Variants in SLCO5A1 observed in about 807,000 individuals in gnomAD.
SLCO5A1 encodes the protein solute carrier organic anion transporter family member 5A1.
SLCO5A1 carries 39 observed loss-of-function variants against 65.1 expected under a neutral mutation model. The ratio of observed to expected loss-of-function variants is 0.60; its 90% CI spans 0.46 to 0.78. SLCO5A1 has a LOEUF of 0.78. Among genes scored for constraint, SLCO5A1 ranks in the 30% least tolerant of loss-of-function variants. The pLI, the probability that SLCO5A1 is intolerant of heterozygous loss-of-function variation, is 0.00. For missense variants in SLCO5A1, 1,029 were observed against 1,069.4 expected (o/e 0.96, Z 0.53); for synonymous variants, 438 against 415.7 (o/e 1.05, Z -0.65).
chr8:69,714,606 T>G (rs979227879), intron 5 of SLCO5A1, among the ~76,000 whole-genome samples: 1 of 152,184 alleles, frequency 6.6e-6, no homozygotes, highest in African/African-American at 2.4e-5. Flanking sequence ...CCCGTGACAA[T>G]CATAGTGTGG....
intron 2 of SLCO5A1, among the ~76,000 whole-genome samples, chr8:69,828,607 AAAAAGAAAAG>A (rs544333410): frequency 6.6e-6 from 1 of 151,834 alleles, no homozygotes; most frequent in Non-Finnish European, 1.5e-5. Context: ...TCTCAAAAAA[AAAAAGAAAAG>A]AAAAGAAAAG....
At chr8:69,725,436 G>T (rs972898170) in intron 5 of SLCO5A1, among the ~76,000 whole-genome samples, 1 of 150,848 alleles carries the variant, frequency 6.6e-6, no homozygotes, top group African/African-American at 2.4e-5. Context: ...TCCATCTCAT[G>T]TACCAAGGGA....
chr8:69,819,110 C>T (rs1444547919), intron 2 of SLCO5A1, among the ~76,000 whole-genome samples: 2 of 152,126 alleles, frequency 1.3e-5, no homozygotes, highest in African/African-American at 2.4e-5. Context: ...TCTTAGGAGG[C>T]AATGTGTATT....
At chr8:69,742,956 A>G (rs962178516) in intron 4 of SLCO5A1, among the ~76,000 whole-genome samples, 1 of 151,988 alleles carries the variant, frequency 6.6e-6, no homozygotes, top group Non-Finnish European at 1.5e-5. Context: ...ACTTGCCACC[A>G]TGCCTGGCTA....
intron 9 of SLCO5A1, among the ~76,000 whole-genome samples, chr8:69,676,205 C>T (rs1813538859): frequency 6.6e-6 from 1 of 152,136 alleles, no homozygotes; most frequent in Non-Finnish European, 1.5e-5. Context: ...AATAAAATTA[C>T]TGTAAAGAAG....
intron 2 of SLCO5A1, among the ~76,000 whole-genome samples, chr8:69,811,895 T>A (rs776297030): frequency 6.6e-6 from 1 of 152,074 alleles, no homozygotes; most frequent in Non-Finnish European, 1.5e-5. Flanking sequence ...CAGGACAAAG[T>A]GGGAATTCAA....
rs1479797499 is a variant in SLCO5A1 at position 69,673,058 on chromosome 8, G to A, written c.2358C>T (p.His786=). The A allele has an allele frequency of 6.2e-7, 1 of 1,614,186 alleles. No homozygotes were observed. Among genetic ancestry groups the A allele is most frequent in the South Asian group, 1.1e-5 (1 of 91,082 alleles). The stretch of plus-strand genomic sequence containing the variant: ...AAGATCTAGTCCGGGCATTGTCGGG[G>A]TGTCCCACTCTCTCACTCACGGTGC... ...PLSTVSERVG[H]PDNARTRSCP... is the part of the protein sequence containing the mutation. Residue 786 remains histidine (H), a synonymous_variant, in exon 10 of 10, where the codon CAC becomes CAT. Coordinates refer to ENST00000260126, the MANE Select transcript of SLCO5A1 (RefSeq NM_030958.3).
chr8:69,793,487 G>A (rs1357169733), intron 2 of SLCO5A1, among the ~76,000 whole-genome samples: 3 of 151,920 alleles, frequency 2.0e-5, no homozygotes, highest in African/African-American at 7.3e-5. Flanking sequence ...TAATAGAGCT[G>A]ACATGGTGGC....
In SLCO5A1 at chr8:69,673,172, A is replaced by G. The variant is rs1813403662; in HGVS notation, c.2244T>C (p.Val748=). 1.2e-6 allele frequency: 2 copies of G among 1,614,160 alleles called. No individual in the cohort carries two copies. Among genetic ancestry groups the G allele is most frequent in the Non-Finnish European group, 1.7e-6 (2 of 1,180,026 alleles). ...YFGLAAGLKF[V]GFIFIFLAWY... is the part of the protein sequence containing the mutation. Reference sequence around the variant, plus strand: ...AGGCCAGAAAAATAAAAATAAACCCAACGAATTTGAGGCCGGCAGCCAAAC... The same window carrying G: ...AGGCCAGAAAAATAAAAATAAACCCGACGAATTTGAGGCCGGCAGCCAAAC... The change falls in exon 10 of 10, where the codon GTT becomes GTC. Residue 748 remains valine (V), a synonymous_variant. Transcript: ENST00000260126.
At chr8:69,754,456 A>G (rs932524715) in intron 4 of SLCO5A1, among the ~76,000 whole-genome samples, 8 of 152,244 alleles carry the variant, frequency 5.3e-5, no homozygotes. Flanking sequence ...CTCTTTGGCC[A>G]CACTGTGTAC....
chr8:69,735,995 G>T (rs540759187), intron 5 of SLCO5A1, among the ~76,000 whole-genome samples: 1 of 152,120 alleles, frequency 6.6e-6, no homozygotes, highest in East Asian at 1.9e-4. Context: ...ATGTGACCTG[G>T]AAATAAAAAG....
At chr8:69,759,292 T>G (rs1817658137) in intron 3 of SLCO5A1, among the ~76,000 whole-genome samples, 1 of 152,198 alleles carries the variant, frequency 6.6e-6, no homozygotes, top group Non-Finnish European at 1.5e-5. Context: ...AAATTCATGT[T>G]TAAATAGACC....
At chr8:69,716,935 A>G (rs931822518) in intron 5 of SLCO5A1, among the ~76,000 whole-genome samples, 5 of 151,074 alleles carry the variant, frequency 3.3e-5, no homozygotes, top group African/African-American at 1.2e-4. Context: ...ACACGCCACC[A>G]CCCCCAGCTA....
At chr8:69,762,974 T>C (rs1189437180) in intron 2 of SLCO5A1, among the ~76,000 whole-genome samples, 1 of 152,112 alleles carries the variant, frequency 6.6e-6, no homozygotes, top group African/African-American at 2.4e-5. Flanking sequence ...ACTGCCAGTG[T>C]ATCAAAAAGG....
chr8:69,825,934 A>G (rs1332066893), intron 2 of SLCO5A1, among the ~76,000 whole-genome samples: 10 of 152,366 alleles, frequency 6.6e-5, no homozygotes, highest in Admixed American at 3.9e-4. Context: ...AAACAGAGAT[A>G]TAGATCAATG....
intron 5 of SLCO5A1, among the ~76,000 whole-genome samples, chr8:69,715,252 T>C (rs1815458221): frequency 6.6e-6 from 1 of 152,188 alleles, no homozygotes; most frequent in Non-Finnish European, 1.5e-5. Context: ...TAGGGAGCCT[T>C]TGCAGAGGAA....
intron 4 of SLCO5A1, among the ~76,000 whole-genome samples, chr8:69,754,654 T>G (rs575926365): frequency 2.0e-5 from 3 of 152,364 alleles, no homozygotes; most frequent in Admixed American, 2.0e-4. Context: ...AGGGACTTAT[T>G]GTCATTCAAC....
intron 5 of SLCO5A1, among the ~76,000 whole-genome samples, chr8:69,737,463 C>T (rs1006810979): frequency 3.3e-5 from 5 of 152,228 alleles, no homozygotes; most frequent in Admixed American, 2.0e-4. Context: ...TTCCACATTT[C>T]TAAGCATCCA....
intron 4 of SLCO5A1, among the ~76,000 whole-genome samples, chr8:69,752,484 A>C (rs994783460): frequency 3.3e-5 from 5 of 152,130 alleles, no homozygotes; most frequent in Non-Finnish European, 5.9e-5. Context: ...TGGAGATTTA[A>C]TTTGTCCTTT....
Sources: allele counts gnomAD v4.1 joint callset (sites outside exome capture counted in the v4.1 genomes callset), GRCh38; gene constraint gnomAD v4.1.1; transcripts MANE v1.5; gene names NCBI Gene and HGNC (gene_info 2026-07-23, HGNC 2026-07-21).